The following ANKRD31 variants were observed in gnomAD, a reference collection of about 807,000 sequenced individuals.
ANKRD31 encodes ankyrin repeat domain 31.
ANKRD31 carries 147 observed loss-of-function variants against 186.0 expected under a neutral mutation model. The observed-to-expected ratio is 0.79, with a 90% CI of 0.69 to 0.91. The LOEUF (loss-of-function observed/expected upper bound fraction) is 0.91, where lower values mean the gene tolerates loss of function less well. ANKRD31 is among the 40% of genes least tolerant of loss of function. The pLI is 0.00. For missense variants in ANKRD31, 1,986 were observed against 2,148.8 expected (o/e 0.92, Z 1.50); for synonymous variants, 673 against 736.4 (o/e 0.91, Z 1.39).
chr5:75,232,345 C>A (rs899096101), intron 1 of ANKRD31, among the ~76,000 whole-genome samples: 1 of 152,136 alleles, frequency 6.6e-6, no homozygotes, highest in Non-Finnish European at 1.5e-5. Context: ...CTCACTACAA[C>A]CTCCACCGCC....
chr5:75,075,840 A>G (rs1052853587), intron 25 of ANKRD31, among the ~76,000 whole-genome samples: 1 of 152,166 alleles, frequency 6.6e-6, no homozygotes, highest in Non-Finnish European at 1.5e-5. Flanking sequence ...AAAATGTTCA[A>G]TATCATTTAT....
At chr5:75,116,732 T>G in intron 18 of ANKRD31, 51 bp from the exon 19 acceptor site, 1 of 1,101,354 alleles carries the variant, frequency 9.1e-7, no homozygotes, top group Non-Finnish European at 1.2e-6. Context: ...AAAATATAGT[T>G]TCATTTTTCA....
chr5:75,115,706 G>A (rs1020705160), intron 19 of ANKRD31, among the ~76,000 whole-genome samples: 2 of 152,000 alleles, frequency 1.3e-5, no homozygotes, highest in African/African-American at 2.4e-5. Context: ...AAACCACAAT[G>A]AGATACCATC....
At chr5:75,165,473 G>C (rs1316955032) in intron 11 of ANKRD31, among the ~76,000 whole-genome samples, 1 of 152,116 alleles carries the variant, frequency 6.6e-6, no homozygotes, top group Non-Finnish European at 1.5e-5. Flanking sequence ...CGAGTAGGTA[G>C]AGAACGAAAG....
chr5:75,104,408 A>G lies in ANKRD31; in HGVS notation c.5151T>C (p.Ser1717=). The G allele has an allele frequency of 6.5e-7, 1 of 1,537,232 alleles. No homozygotes were observed. The highest frequency in any genetic ancestry group is 8.7e-7 in the Non-Finnish European group (1 of 1,146,908). The change falls in exon 22 of 26, where the codon TCT becomes TCC. Residue 1717 remains serine, a synonymous_variant. Transcript: ENST00000506364. ...GACTGTCATCTGCACATGGAACAAC[A>G]GAAACTGATTTTTTAAGATATGGTT... ...QMKPYLKKSV[S]VVPCADDSQI...
At chr5:75,170,312 T>G (rs978702864) in intron 10 of ANKRD31, among the ~76,000 whole-genome samples, 2 of 152,086 alleles carry the variant, frequency 1.3e-5, no homozygotes, top group African/African-American at 4.8e-5. Flanking sequence ...GAAAAAATAC[T>G]GCAAAGACAA....
chr5:75,118,321 A>G, intron 17 of ANKRD31, 24 bp from the exon 18 acceptor site: 1 of 1,419,618 alleles, frequency 7.0e-7, no homozygotes, highest in Non-Finnish European at 9.1e-7. Context: ...TTTCAAAGTT[A>G]TCTCTACAGA....
Position 75,236,850 on chromosome 5 carries a change from C to T in ANKRD31, c.-164G>A. 1 of 551,360 alleles carries T rather than the reference C, an allele frequency of 1.8e-6. No homozygotes were observed. Among genetic ancestry groups the T allele is most frequent in the Non-Finnish European group, 2.9e-6 (1 of 340,616 alleles). 34.2% of individuals were successfully genotyped at this position (551,360 alleles called of 1,614,324 possible). On this transcript the variant is annotated 5_prime_UTR_variant, in exon 1 of 26. Coordinates refer to ENST00000506364, the MANE Select transcript of ANKRD31 (RefSeq NM_001372053.1). ...GCAGGGCTGCTGAGGAGGACGCAGGCGGCCGCGAGCGCGGCGGGGTAGCAG... is the reference window on the plus strand; with the variant it reads ...GCAGGGCTGCTGAGGAGGACGCAGGTGGCCGCGAGCGCGGCGGGGTAGCAG...
chr5:75,136,324 T>G (rs1362689312), intron 17 of ANKRD31, among the ~76,000 whole-genome samples: 2 of 151,362 alleles, frequency 1.3e-5, no homozygotes, highest in Non-Finnish European at 2.9e-5. Context: ...CAAGAAAAAA[T>G]CAAACAACCC....
chr5:75,183,898 T>TA (rs746481572), intron 10 of ANKRD31, among the ~76,000 whole-genome samples: 14 of 151,828 alleles, frequency 9.2e-5, no homozygotes, highest in East Asian at 1.9e-4. Flanking sequence ...ATCACAGGAA[T>TA]AAAAAAAATC....
Position 75,118,189 on chromosome 5 carries a change from A to T in ANKRD31, c.3985T>A (p.Ser1329Thr), listed in dbSNP as rs1748451086. The T allele has an allele frequency of 6.5e-7, 1 of 1,527,114 alleles. No individual in the cohort carries two copies. The highest frequency in any genetic ancestry group is 2.1e-5 in the Admixed American group (1 of 48,048). The allele number at this position is 1,527,114 out of a possible 1,614,324, so 94.6% of individuals were successfully genotyped here. A position where few individuals can be genotyped will look rare whatever the true frequency, so the allele number is the denominator to read the frequency against. Reference protein sequence around the residue: ...DDEKMKELLRSYGAIETVNRD... With the variant: ...DDEKMKELLRTYGAIETVNRD... ...TTAACAGTCTCAATAGCACCATAAG[A>T]TCTTAGTAATTCTTTCATTTTTTCA... The change falls in exon 18 of 26, where the codon TCT becomes ACT. Residue 1329 changes from serine to threonine, a missense_variant. Transcript: ENST00000506364.
At chr5:75,221,003 T>A (rs1034944606) in intron 3 of ANKRD31, among the ~76,000 whole-genome samples, 1 of 152,134 alleles carries the variant, frequency 6.6e-6, no homozygotes, top group Admixed American at 6.6e-5. Flanking sequence ...TAAAAAAGAA[T>A]GAGATCATGT....
chr5:75,228,746 A>T (rs1387487518), intron 2 of ANKRD31, among the ~76,000 whole-genome samples: 1 of 152,124 alleles, frequency 6.6e-6, no homozygotes, highest in Non-Finnish European at 1.5e-5. Context: ...GCGACATAGT[A>T]AAGATTTATC....
chr5:75,117,225 A>G (rs1748368802), intron 18 of ANKRD31, among the ~76,000 whole-genome samples: 1 of 152,202 alleles, frequency 6.6e-6, no homozygotes, highest in African/African-American at 2.4e-5. Flanking sequence ...ACTTTATAAT[A>G]GATCTATCAA....
intron 22 of ANKRD31, among the ~76,000 whole-genome samples, chr5:75,095,735 T>C (rs1746270999): frequency 6.6e-6 from 1 of 152,208 alleles, no homozygotes; most frequent in African/African-American, 2.4e-5. Flanking sequence ...GCTGGCATAC[T>C]GTTATAATCA....
At chr5:75,089,212 A>G (rs1745745589) in intron 23 of ANKRD31, among the ~76,000 whole-genome samples, 1 of 152,226 alleles carries the variant, frequency 6.6e-6, no homozygotes, top group Admixed American at 6.5e-5. Context: ...CGGCCACACC[A>G]GAATGTTGTC....
chr5:75,203,897 T>A (rs1755986209), intron 5 of ANKRD31, among the ~76,000 whole-genome samples: 1 of 152,174 alleles, frequency 6.6e-6, no homozygotes, highest in Admixed American at 6.5e-5. Context: ...AATAGGTTTT[T>A]ACTAAATTTG....
intron 3 of ANKRD31, among the ~76,000 whole-genome samples, chr5:75,218,411 TAAAC>T (rs931932323): frequency 1.3e-5 from 2 of 152,264 alleles, no homozygotes; most frequent in Admixed American, 1.3e-4. Context: ...ATTGAATACT[TAAAC>T]AGACCAATAA....
chr5:75,201,618 A>G (rs1345665202), intron 5 of ANKRD31, among the ~76,000 whole-genome samples: 2 of 152,182 alleles, frequency 1.3e-5, no homozygotes, highest in African/African-American at 4.8e-5. Context: ...TTCATCTTCA[A>G]AACTATAAAG....
Sources: gnomAD v4.1 joint callset for allele counts (sites outside exome capture counted in the v4.1 genomes callset) on GRCh38, gnomAD v4.1.1 for gene constraint, MANE v1.5 for transcripts, NCBI Gene and HGNC (gene_info 2026-07-23, HGNC 2026-07-21) for gene names.